The following NFASC variants were observed in gnomAD, a reference collection of about 807,000 sequenced individuals.
The protein encoded by NFASC is neurofascin, also known as neurofascin homolog.
Under a neutral mutation model 147.5 loss-of-function variants are expected in NFASC, and 43 were observed. That is an observed-to-expected ratio of 0.29 (90% CI 0.23 to 0.38). The LOEUF is 0.38. Among genes scored for constraint, NFASC ranks in the 10% least tolerant of loss-of-function variants. The pLI is 1.00. For synonymous variants in NFASC, 622 were observed against 665.5 expected (o/e 0.93, Z 1.01); for missense variants, 1,320 against 1,689.0 (o/e 0.78, Z 3.83).
At chr1:204,859,438 C>G (rs1048451459) in intron 1 of NFASC, among the ~76,000 whole-genome samples, 1 of 152,244 alleles carries the variant, frequency 6.6e-6, no homozygotes, top group Non-Finnish European at 1.5e-5. Flanking sequence ...ATGCCAGGAG[C>G]ATATGGCCAA....
chr1:204,889,917 G>A (rs1020162355), intron 1 of NFASC, among the ~76,000 whole-genome samples: 2 of 152,206 alleles, frequency 1.3e-5, no homozygotes, highest in African/African-American at 4.8e-5. Context: ...CCATGCTACT[G>A]CTTCAGAGGG....
In NFASC at chr1:204,828,754, G is replaced by A; in HGVS notation, c.-228G>A. 1 of 985,726 alleles carries A rather than the reference G, an allele frequency of 1.0e-6. No individual in the cohort carries two copies. Among genetic ancestry groups the A allele is most frequent in the Non-Finnish European group, 1.2e-6 (1 of 830,282 alleles). 61.1% of individuals were successfully genotyped at this position (985,726 alleles called of 1,614,324 possible). On this transcript the variant is annotated 5_prime_UTR_variant, in exon 1 of 30. Coordinates refer to ENST00000339876, the MANE Select transcript of NFASC (RefSeq NM_001005388.3). ...GCCGGCAGCGGACAGCTCGGACAGC[G>A]CCCAGGGCCGGAGCCCGAGCCCTTG...
At chr1:205,013,217 C>A (rs533130623) in intron 29 of NFASC, among the ~76,000 whole-genome samples, 39 of 152,298 alleles carry the variant, frequency 2.6e-4, no homozygotes, top group African/African-American at 9.4e-4. Flanking sequence ...GAACATGAGC[C>A]CCAGGACCCT....
chr1:204,978,913 A>G, intron 17 of NFASC, 55 bp from the exon 18 acceptor site: 1 of 1,384,106 alleles, frequency 7.2e-7, no homozygotes, highest in Non-Finnish European at 9.9e-7. Flanking sequence ...TAGGGCCATC[A>G]CAAGGGTGGA....
Position 204,986,552 on chromosome 1 carries a change from C to T in NFASC, c.2471-866C>T, listed in dbSNP as rs764752498. 3.0e-4 allele frequency: 65 copies of T among 218,670 alleles called. No individual in the cohort carries two copies. The highest frequency in any genetic ancestry group is 5.0e-4 in the Non-Finnish European group (53 of 106,946). 13.5% of individuals were successfully genotyped at this position (218,670 alleles called of 1,614,324 possible). On this transcript the variant is annotated intron_variant, in intron 21 of 29. Coordinates refer to ENST00000339876, the MANE Select transcript of NFASC (RefSeq NM_001005388.3). This position sits in a 1 kb window ranked among gnomAD's most constrained non-coding sequence, Gnocchi z 4.2. ...CACTGAAATAGTCGGCCTGTGTGTG[C>T]GGTGGCTCTGCAGAGGGATACCCAA...
chr1:204,983,629 T>C (rs375741499), intron 21 of NFASC, among the ~76,000 whole-genome samples: 2 of 152,162 alleles, frequency 1.3e-5, no homozygotes, highest in Admixed American at 6.5e-5. Context: ...TGGGGCCTCC[T>C]GTTGGCACCT....
chr1:204,912,678 G>A (rs1172093334), intron 1 of NFASC, among the ~76,000 whole-genome samples: 3 of 151,922 alleles, frequency 2.0e-5, no homozygotes, highest in African/African-American at 7.3e-5. Flanking sequence ...ACTCCAGCCT[G>A]AATGACAGAG....
chr1:204,915,716 T>C (rs185560006), intron 1 of NFASC, among the ~76,000 whole-genome samples: 1 of 152,320 alleles, frequency 6.6e-6, no homozygotes, highest in East Asian at 1.9e-4. Context: ...AGTCTAAATA[T>C]TCAAGGGGTA....
At chr1:204,969,921 CAA>C (rs912771825) in intron 10 of NFASC, among the ~76,000 whole-genome samples, 1 of 151,142 alleles carries the variant, frequency 6.6e-6, no homozygotes, top group African/African-American at 2.4e-5. Context: ...ACTAAAAATA[CAA>C]AAATTAGCTG....
At chr1:204,933,234 C>A (rs2092526124) in intron 2 of NFASC, among the ~76,000 whole-genome samples, 1 of 152,042 alleles carries the variant, frequency 6.6e-6, no homozygotes, top group African/African-American at 2.4e-5. Flanking sequence ...TGGAGGAGAC[C>A]AACTAGGAGG....
chr1:204,905,552 T>G (rs1269421651), intron 1 of NFASC, among the ~76,000 whole-genome samples: 1 of 152,210 alleles, frequency 6.6e-6, no homozygotes, highest in African/African-American at 2.4e-5. Flanking sequence ...TTTTGAGTTG[T>G]AGTAATTATT....
At position 204,854,681 on chromosome 1, in the gene NFASC, T is replaced by A. The variant is rs899336532; in HGVS notation, c.-200+25899T>A. Among the ~76,000 whole-genome samples the A allele has an allele frequency of 2.0e-5, 3 of 152,244 alleles. No individual in the cohort carries two copies. In the East Asian group the frequency reaches 5.8e-4, roughly 29 times the overall value. Reference sequence around the variant, plus strand: ...AACTTAGTGCCAACTTAGCACTGACTTGGGGGACTTTCTGCTCCTTTCACT... The same window carrying A: ...AACTTAGTGCCAACTTAGCACTGACATGGGGGACTTTCTGCTCCTTTCACT... On this transcript the variant is annotated intron_variant, in intron 1 of 29. Transcript: ENST00000339876.
In NFASC at chr1:205,022,200, C is replaced by T. The variant is rs140144575; in HGVS notation, c.*5661C>T. Reference sequence around the variant, plus strand: ...GCAGATCAGATGCCCCTGAGCTGCCCCTTTTTTTCTGATTCCCAACTGCAA... The same window carrying T: ...GCAGATCAGATGCCCCTGAGCTGCCTCTTTTTTTCTGATTCCCAACTGCAA... On this transcript the variant is annotated 3_prime_UTR_variant, in exon 30 of 30. Coordinates refer to ENST00000339876, the MANE Select transcript of NFASC (RefSeq NM_001005388.3). The T allele has an allele frequency of 4.6e-5, 7 of 152,732 alleles. No homozygotes were observed. In the East Asian group the frequency reaches 1.4e-3, roughly 30 times the overall value. The allele number at this position is 152,732 out of a possible 1,614,324, so 9.5% of individuals were successfully genotyped here. A position where few individuals can be genotyped will look rare whatever the true frequency, so the allele number is the denominator to read the frequency against.
intron 1 of NFASC, among the ~76,000 whole-genome samples, chr1:204,889,462 G>A (rs1461993661): frequency 3.3e-5 from 5 of 152,206 alleles, no homozygotes; most frequent in African/African-American, 1.2e-4. Flanking sequence ...CAGGTTAACA[G>A]GAAAAGTGAA....
chr1:204,920,325 A>G (rs1252075778), intron 1 of NFASC, among the ~76,000 whole-genome samples: 1 of 152,106 alleles, frequency 6.6e-6, no homozygotes, highest in Non-Finnish European at 1.5e-5. Context: ...GTATGGCTGA[A>G]CTTCTTGTGG....
chr1:204,883,340 G>A (rs1572463303), intron 1 of NFASC, among the ~76,000 whole-genome samples: 1 of 152,242 alleles, frequency 6.6e-6, no homozygotes, highest in Admixed American at 6.5e-5. Flanking sequence ...GTGAGTGACA[G>A]CTGTGCAGGG....
chr1:204,964,707 T>A (rs928450740), intron 8 of NFASC, among the ~76,000 whole-genome samples: 2 of 152,132 alleles, frequency 1.3e-5, no homozygotes, highest in Non-Finnish European at 2.9e-5. Context: ...GCCCCATGAG[T>A]CTCTGGTTCT....
At chr1:205,008,998 A>C in intron 27 of NFASC, 1 of 178,632 alleles carries the variant, frequency 5.6e-6, no homozygotes, top group Non-Finnish European at 1.2e-5. Context: ...CACTTGGTCC[A>C]GTCCCCACCC....
rs6672599 is a variant in NFASC, at chr1:204,877,481, G to A, written c.-199-43151G>A. Among the ~76,000 whole-genome samples, 2,954 of 152,120 alleles carry A rather than the reference G, an allele frequency of 0.019. 153 individuals are homozygous for A. In the East Asian group the frequency reaches 0.2, roughly 11 times the overall value. On this transcript the variant is annotated intron_variant, in intron 1 of 29. Coordinates refer to ENST00000339876, the MANE Select transcript of NFASC (RefSeq NM_001005388.3). ...GGGGTGGATCAAGTCTTTGGAAAGG[G>A]TAAGTTTCTATTTAACCTTTAGGAA... is the stretch of plus-strand genomic sequence containing the variant.
Sources: gnomAD v4.1 joint callset for allele counts (sites outside exome capture counted in the v4.1 genomes callset) on GRCh38, gnomAD v4.1.1 for gene constraint, Gnocchi (gnomAD v3.1) non-coding constraint, MANE v1.5 for transcripts, NCBI Gene and HGNC (gene_info 2026-07-23, HGNC 2026-07-21) for gene names.